The following CYP2C8 variants were observed in gnomAD, a reference collection of about 807,000 sequenced individuals.
CYP2C8 encodes cytochrome P450 family 2 subfamily C member 8.
CYP2C8 carries 51 observed loss-of-function variants against 41.3 expected under a neutral mutation model. The observed-to-expected ratio is 1.24, with a 90% confidence interval of 0.99 to 1.56. CYP2C8 has a LOEUF of 1.56. Among genes scored for constraint, CYP2C8 ranks in the 40% most tolerant of loss-of-function variants. The pLI, the probability that CYP2C8 is intolerant of heterozygous loss-of-function variation, is 0.00. For synonymous variants in CYP2C8, 218 were observed against 205.8 expected, an observed-to-expected ratio of 1.06 and a Z score of -0.51; for missense variants, 651 against 579.9, an observed-to-expected ratio of 1.12 and a Z score of -1.26.
At chr10:95,068,280 T>C (rs2033612043) in intron 1 of CYP2C8, among the ~76,000 whole-genome samples, 1 of 152,186 alleles carries the variant, frequency 6.6e-6, no homozygotes, top group Admixed American at 6.5e-5. Flanking sequence ...TATGGAACGA[T>C]GAAGCACCAC....
chr10:95,066,151 A>T (rs867184376), intron 3 of CYP2C8, among the ~76,000 whole-genome samples: 3,926 of 82,422 alleles, frequency 0.048, 217 homozygotes, highest in African/African-American at 0.15. Flanking sequence ...AGAGAGAGAG[A>T]GAGTGTGTGT....
chr10:95,065,012 G>A (rs754375053), intron 3 of CYP2C8, 52 bp from the exon 4 acceptor site: 1 of 1,336,848 alleles, frequency 7.5e-7, no homozygotes, highest in Non-Finnish European at 9.7e-7. Context: ...ATATTTAAAA[G>A]ATTTGCATTT....
intron 5 of CYP2C8, 21 bp downstream of exon 5, chr10:95,058,314 G>C (rs1246014626): frequency 1.2e-6 from 2 of 1,611,954 alleles, no homozygotes; most frequent in Admixed American, 3.3e-5. Flanking sequence ...TCAAAATACT[G>C]ATCTGTTGCT....
chr10:95,047,697 G>A (rs750259771), intron 5 of CYP2C8, among the ~76,000 whole-genome samples: 1 of 152,184 alleles, frequency 6.6e-6, no homozygotes, highest in Non-Finnish European at 1.5e-5. Context: ...TAGGGGCAAT[G>A]CAAATGCCAA....
chr10:95,049,747 T>G lies in CYP2C8; in HGVS notation c.820-3796A>C, dbSNP rs1376616256. Among the ~76,000 whole-genome samples the G allele has an allele frequency of 2.0e-5, 3 of 151,916 alleles. No homozygotes were observed. In the East Asian group the frequency reaches 5.9e-4, roughly 30 times the overall value. On this transcript the variant is annotated intron_variant, in intron 5 of 8. Transcript: ENST00000371270. ...AGAGACAGTAGACTGGGGTGGGAGG[T>G]GCAACCTACTGAGACAGCAGCTGGG...
intron 4 of CYP2C8, among the ~76,000 whole-genome samples, chr10:95,063,969 T>C (rs13313124): frequency 0.38 from 57,437 of 152,034 alleles, 11,249 homozygotes; most frequent in Middle Eastern, 0.51. Context: ...CAAATGTTGC[T>C]GCCCGATCGT....
intron 7 of CYP2C8, among the ~76,000 whole-genome samples, chr10:95,042,240 A>G (rs879723798): frequency 6.6e-6 from 1 of 152,224 alleles, no homozygotes; most frequent in Non-Finnish European, 1.5e-5. Context: ...AATAAGATAT[A>G]AAATACATAT....
intron 4 of CYP2C8, among the ~76,000 whole-genome samples, chr10:95,063,817 G>T (rs1400537194): frequency 6.6e-6 from 1 of 152,162 alleles, no homozygotes; most frequent in African/African-American, 2.4e-5. Flanking sequence ...ATGGGGTTTT[G>T]GTGTGGATGT....
chr10:95,069,478 T>G lies in CYP2C8; in HGVS notation c.-76A>C. The G allele has an allele frequency of 8.4e-7, 1 of 1,194,130 alleles. No homozygotes were observed. 74.0% of individuals were successfully genotyped at this position (1,194,130 alleles called of 1,614,324 possible). ...TTTATAACACTCCCTGCTAATTTAG[T>G]GTGTGTCTCTTTGACATGTAAAGTA... On this transcript the variant is annotated 5_prime_UTR_variant, in exon 1 of 9. Transcript: ENST00000371270.
chr10:95,067,107 A>C (rs1204501940), intron 3 of CYP2C8, 101 bp downstream of exon 3: 2 of 1,515,360 alleles, frequency 1.3e-6, no homozygotes, highest in African/African-American at 2.7e-5. Flanking sequence ...GACAACCAGG[A>C]TGCGCAATGA....
At chr10:95,044,729 A>G (rs1224468094) in intron 6 of CYP2C8, among the ~76,000 whole-genome samples, 1 of 152,178 alleles carries the variant, frequency 6.6e-6, no homozygotes, top group Non-Finnish European at 1.5e-5. Flanking sequence ...CCCAGTGGGA[A>G]AAAATCAGGT....
At chr10:95,052,745 C>T (rs1405842030) in intron 5 of CYP2C8, among the ~76,000 whole-genome samples, 1 of 152,006 alleles carries the variant, frequency 6.6e-6, no homozygotes, top group East Asian at 1.9e-4. Context: ...ATTCAACACC[C>T]CTTCATGGTA....
chr10:95,066,157 T>A (rs11486213), intron 3 of CYP2C8, among the ~76,000 whole-genome samples: 12,691 of 63,936 alleles, frequency 0.2, 873 homozygotes, highest in African/African-American at 0.35. Context: ...AGAGAGAGTG[T>A]GTGTGTGTGT....
At chr10:95,048,148 C>A (rs1174242894) in intron 5 of CYP2C8, among the ~76,000 whole-genome samples, 2 of 152,078 alleles carry the variant, frequency 1.3e-5, no homozygotes, top group African/African-American at 4.8e-5. Flanking sequence ...GTTGTAGATT[C>A]TTTCTTCTTA....
intron 5 of CYP2C8, among the ~76,000 whole-genome samples, chr10:95,056,278 G>A (rs1462067601): frequency 6.6e-6 from 1 of 152,004 alleles, no homozygotes; most frequent in African/African-American, 2.4e-5. Context: ...ATGGAAAAGA[G>A]GAACCCTCAA....
intron 5 of CYP2C8, among the ~76,000 whole-genome samples, chr10:95,054,679 C>T (rs2033278653): frequency 6.6e-6 from 1 of 152,020 alleles, no homozygotes. Context: ...CCACAAAAAA[C>T]AACTAGAGCT....
chr10:95,041,365 C>A (rs187536898), intron 7 of CYP2C8, among the ~76,000 whole-genome samples: 2 of 152,276 alleles, frequency 1.3e-5, no homozygotes, highest in South Asian at 4.1e-4. Context: ...TGAGGGAGAT[C>A]GTGTTTGCCT....
Position 95,064,916 on chromosome 10 carries a change from T to C in CYP2C8, c.526A>G (p.Asn176Asp), listed in dbSNP as rs113008582. 3 of 1,613,048 alleles carry C rather than the reference T, an allele frequency of 1.9e-6. No individual in the cohort carries two copies. The highest frequency in any genetic ancestry group is 8.5e-7 in the Non-Finnish European group (1 of 1,179,908). Residue 176 changes from asparagine (N) to aspartate (D), a missense_variant, in exon 4 of 9, where the codon AAT (asparagine) becomes GAT (aspartate). Asn to Asp is a conservative substitution (Grantham distance 23, BLOSUM62 1). Transcript: ENST00000371270. Reference protein sequence around the residue: ...PTFILGCAPCNVICSVVFQKR... With the variant: ...PTFILGCAPCDVICSVVFQKR... ...TGGAAAACAACGGAGCAGATCACAT[T>C]GCAGGGAGCACAGCCCAGGATGAAA...
intron 4 of CYP2C8, among the ~76,000 whole-genome samples, chr10:95,064,259 A>T (rs535051967): frequency 6.6e-6 from 1 of 152,092 alleles, no homozygotes; most frequent in East Asian, 1.9e-4. Context: ...GGCCTCCTTG[A>T]GCTGCAGTAG....
Sources: gnomAD v4.1 joint callset for allele counts (sites outside exome capture counted in the v4.1 genomes callset) on GRCh38, gnomAD v4.1.1 for gene constraint, MANE v1.5 for transcripts, NCBI Gene and HGNC (gene_info 2026-07-23, HGNC 2026-07-21) for gene names.